Variants in POLR2F observed in about 807,000 individuals in gnomAD.
POLR2F encodes DNA-directed RNA polymerases I, II, and III subunit RPABC2.
In POLR2F, 12 loss-of-function variants were observed where a neutral mutation model predicts 22.7. That is an observed-to-expected ratio of 0.53 (90% CI 0.34 to 0.86). The LOEUF (loss-of-function observed/expected upper bound fraction) is 0.86, where lower values mean the gene tolerates loss of function less well. POLR2F is among the 40% of genes least tolerant of loss of function. POLR2F has a pLI of 0.02. For synonymous variants in POLR2F, 57 were observed against 66.0 expected, an observed-to-expected ratio of 0.86 and a Z score of 0.66; for missense variants, 126 against 171.5, an observed-to-expected ratio of 0.73 and a Z score of 1.48.
At chr22:38,033,823 G>C (rs891906438) in intron 5 of POLR2F, among the ~76,000 whole-genome samples, 1 of 152,196 alleles carries the variant, frequency 6.6e-6, no homozygotes, top group Non-Finnish European at 1.5e-5. Context: ...GCCCGTGGAA[G>C]GGCCTCGAGG....
At chr22:37,979,314 T>G (rs2145770737) in intron 4 of POLR2F, among the ~76,000 whole-genome samples, 1 of 152,010 alleles carries the variant, frequency 6.6e-6, no homozygotes, top group East Asian at 1.9e-4. Context: ...GCCAGGCTGG[T>G]CTCCAACTCC....
chr22:38,031,574 C>G (rs1029405955), downstream of POLR2F, among the ~76,000 whole-genome samples: 6 of 152,284 alleles, frequency 3.9e-5, no homozygotes, highest in Admixed American at 3.9e-4. This position sits in a 1 kb window ranked among gnomAD's most constrained non-coding sequence, Gnocchi z 4.1. Flanking sequence ...TGCCGCTGTC[C>G]AGGTCCCCAC....
chr22:37,962,202 G>C (rs893687072), intron 3 of POLR2F, among the ~76,000 whole-genome samples: 1 of 152,058 alleles, frequency 6.6e-6, no homozygotes, highest in African/African-American at 2.4e-5. Flanking sequence ...CTGCACACCA[G>C]CCTGAGTGAC....
At chr22:38,006,247 T>C (rs1301003846) in intron 1 of POLR2F, among the ~76,000 whole-genome samples, 3 of 152,138 alleles carry the variant, frequency 2.0e-5, no homozygotes, top group Admixed American at 2.0e-4. Flanking sequence ...CTTCACTCCA[T>C]TGAGCTGCAA....
downstream of POLR2F, chr22:37,969,345 A>C: frequency 1.0e-6 from 1 of 984,144 alleles, no homozygotes; most frequent in Non-Finnish European, 1.2e-6. Context: ...GTTTGGGCAT[A>C]GTCTCTTGAG....
At chr22:37,962,715 G>A (rs149682855) in intron 3 of POLR2F, among the ~76,000 whole-genome samples, 3,671 of 152,210 alleles carry the variant, frequency 0.024, 163 homozygotes, top group African/African-American at 0.083. Flanking sequence ...TTTTGAGACG[G>A]AGTCTTGCTC....
intron 4 of POLR2F, among the ~76,000 whole-genome samples, chr22:37,975,107 T>G (rs971357099): frequency 2.0e-5 from 3 of 152,248 alleles, no homozygotes; most frequent in African/African-American, 7.2e-5. Context: ...TGGTCCTTGT[T>G]CCTTTGTCTG....
chr22:38,038,490 G>C (rs2085137988), intron 5 of POLR2F, among the ~76,000 whole-genome samples: 1 of 152,130 alleles, frequency 6.6e-6, no homozygotes, highest in African/African-American at 2.4e-5. Flanking sequence ...CACAGGATGG[G>C]ACGGGTTGAG....
intron 1 of POLR2F, among the ~76,000 whole-genome samples, chr22:37,990,852 A>G (rs948045658): frequency 1.3e-5 from 2 of 152,268 alleles, no homozygotes; most frequent in Non-Finnish European, 2.9e-5. Flanking sequence ...TTGTATTTCA[A>G]AACAAGAGGC....
Position 38,035,345 on chromosome 22 carries a change from G to C in POLR2F, c.453-5723G>C, listed in dbSNP as rs182375585. Among the ~76,000 whole-genome samples, 575 of 152,302 alleles carry C rather than the reference G, an allele frequency of 3.8e-3. 2 individuals carry two copies. Among genetic ancestry groups the C allele is most frequent in the Non-Finnish European group, 6.9e-3 (471 of 68,026 alleles). ...GATTCTCAGCACCATCCTATGGGAC[G>C]AGAGGGATAAGCCCATTTGACAGAT... is the stretch of plus-strand genomic sequence containing the variant. On this transcript the variant is annotated intron_variant, in intron 5 of 5. Coordinates refer to the POLR2F transcript ENST00000407936.
At chr22:38,034,789 C>T (rs1233150635) in intron 5 of POLR2F, among the ~76,000 whole-genome samples, 2 of 152,182 alleles carry the variant, frequency 1.3e-5, no homozygotes, top group Non-Finnish European at 2.9e-5. Context: ...AGACACAGAG[C>T]GCACTGGAGG....
downstream of POLR2F, among the ~76,000 whole-genome samples, chr22:38,029,325 T>C (rs1473695714): frequency 3.9e-5 from 6 of 152,236 alleles, no homozygotes; most frequent in South Asian, 6.2e-4. Context: ...TGGCTGACAG[T>C]GATGGAGTCA....
At chr22:37,967,492 A>G in intron 4 of POLR2F, 133 bp from the exon 5 acceptor site, 5 of 1,472,046 alleles carry the variant, frequency 3.4e-6, no homozygotes, top group Non-Finnish European at 4.5e-6. Context: ...CTTTCTTACA[A>G]AGTACACTCA....
intron 1 of POLR2F, among the ~76,000 whole-genome samples, chr22:38,013,495 T>C (rs143126995): frequency 9.8e-5 from 15 of 152,340 alleles, no homozygotes; most frequent in African/African-American, 3.6e-4. Context: ...TCATTGTCTA[T>C]AGCATATTTA....
intron 1 of POLR2F, among the ~76,000 whole-genome samples, chr22:38,022,056 G>A (rs573136729): frequency 2.7e-5 from 4 of 150,820 alleles, no homozygotes; most frequent in African/African-American, 4.9e-5. Flanking sequence ...ACTTGAACCC[G>A]GGATGTGGAG....
At chr22:38,020,545 C>T (rs1376993801) in intron 1 of POLR2F, among the ~76,000 whole-genome samples, 1 of 151,322 alleles carries the variant, frequency 6.6e-6, no homozygotes, top group Non-Finnish European at 1.5e-5. Flanking sequence ...GCTGGGATTA[C>T]AGGCATAAGC....
At chr22:37,985,301 C>G (rs1932537729), upstream of POLR2F, 1 of 152,132 alleles carries the variant, frequency 6.6e-6, no homozygotes, top group Non-Finnish European at 1.5e-5. Context: ...CAGCTCCTTC[C>G]ACACTGGGCT....
At chr22:38,040,397 AG>A in intron 5 of POLR2F, 1 of 151,800 alleles carries the variant, frequency 6.6e-6, no homozygotes, top group Non-Finnish European at 1.5e-5. Flanking sequence ...AGGGCCTGGC[AG>A]GGGTGGTGGG....
Position 37,956,764 on chromosome 22 carries a change from C to G in POLR2F, c.21-9C>G, listed in dbSNP as rs746765073. On this transcript the variant is annotated splice_polypyrimidine_tract_variant and intron_variant, in intron 1 of 4. Transcript: ENST00000442738. Reference sequence around the variant, plus strand: ...TGCTCTAAGTAACTGATCTCTTCTTCCTGTACAGTTTTGATGGCGACGACT... The same window carrying G: ...TGCTCTAAGTAACTGATCTCTTCTTGCTGTACAGTTTTGATGGCGACGACT... 6.2e-7 allele frequency: 1 copy of G among 1,610,740 alleles called. No individual in the cohort carries two copies. The highest frequency in any genetic ancestry group is 1.1e-5 in the South Asian group (1 of 91,016).
Sources: gnomAD v4.1 joint callset for allele counts (sites outside exome capture counted in the v4.1 genomes callset) on GRCh38, gnomAD v4.1.1 for gene constraint, Gnocchi (gnomAD v3.1) non-coding constraint, MANE v1.5 for transcripts, NCBI Gene and HGNC (gene_info 2026-07-23, HGNC 2026-07-21) for gene names.